The following PDLIM5 variants were observed in gnomAD, a reference collection of about 807,000 sequenced individuals.
PDLIM5 encodes PDZ and LIM domain protein 5.
A neutral mutation model predicts 64.2 loss-of-function variants in PDLIM5; 34 were observed. That is an observed-to-expected ratio of 0.53 (90% CI 0.40 to 0.71). The LOEUF (loss-of-function observed/expected upper bound fraction) is 0.71. Among genes scored for constraint, PDLIM5 ranks in the 30% least tolerant of loss-of-function variants. PDLIM5 has a pLI of 0.00. For missense variants in PDLIM5, 683 were observed against 733.6 expected (o/e 0.93, Z 0.80); for synonymous variants, 253 against 269.1 (o/e 0.94, Z 0.59).
chr4:94,597,429 A>G (rs1009915383), intron 7 of PDLIM5, among the ~76,000 whole-genome samples: 3 of 152,212 alleles, frequency 2.0e-5, no homozygotes, highest in African/African-American at 7.2e-5. Flanking sequence ...TCCTTTATAT[A>G]TGAAAGGTAA....
intron 7 of PDLIM5, among the ~76,000 whole-genome samples, chr4:94,596,087 C>T (rs560684422): frequency 1.4e-4 from 21 of 152,220 alleles, no homozygotes; most frequent in Admixed American, 1.4e-3. Flanking sequence ...GTAAAGGTCG[C>T]CATCTGTTGA....
intron 2 of PDLIM5, among the ~76,000 whole-genome samples, chr4:94,490,545 A>G (rs1726778492): frequency 6.6e-6 from 1 of 152,120 alleles, no homozygotes; most frequent in African/African-American, 2.4e-5. Flanking sequence ...AAATTAATTG[A>G]TTTTGGATAT....
At chr4:94,491,540 C>T (rs552246162) in intron 2 of PDLIM5, among the ~76,000 whole-genome samples, 6 of 151,976 alleles carry the variant, frequency 3.9e-5, no homozygotes, top group Non-Finnish European at 5.9e-5. Context: ...TCATGCCTTT[C>T]GAGATTTTCA....
chr4:94,596,717 G>A (rs1450304519), intron 7 of PDLIM5, among the ~76,000 whole-genome samples: 1 of 151,484 alleles, frequency 6.6e-6, no homozygotes, highest in Non-Finnish European at 1.5e-5. Context: ...TTATGTGAAG[G>A]TTTGTTTATT....
At chr4:94,572,619 A>G (rs1734899161) in intron 3 of PDLIM5, among the ~76,000 whole-genome samples, 1 of 152,232 alleles carries the variant, frequency 6.6e-6, no homozygotes, top group African/African-American at 2.4e-5. Flanking sequence ...GAATTTGGAA[A>G]TAGTCAAGTT....
At chr4:94,481,640 G>T (rs562862061) in intron 2 of PDLIM5, among the ~76,000 whole-genome samples, 11 of 149,484 alleles carry the variant, frequency 7.4e-5, no homozygotes, top group South Asian at 2.1e-4. Context: ...ACGGAGTCTC[G>T]TTCTGTCACC....
At chr4:94,622,360 T>C (rs183899281) in intron 8 of PDLIM5, among the ~76,000 whole-genome samples, 4 of 152,352 alleles carry the variant, frequency 2.6e-5, no homozygotes, top group Admixed American at 6.5e-5. Flanking sequence ...ATCTTACAAA[T>C]GTAATGAAAT....
intron 3 of PDLIM5, among the ~76,000 whole-genome samples, chr4:94,533,711 TTTCTCTC>T (rs1731087308): frequency 6.6e-6 from 1 of 152,214 alleles, no homozygotes; most frequent in African/African-American, 2.4e-5. Context: ...AAAGATGAGT[TTTCTCTC>T]TTCCTATTTC....
Position 94,586,977 on chromosome 4 carries a change from G to C in PDLIM5, c.920+533G>C, listed in dbSNP as rs59841248. The C allele has an allele frequency of 1.1e-4, 64 of 575,810 alleles. No individual in the cohort carries two copies. The Middle Eastern group carries it at 1.5e-3, about 13-fold the overall frequency. 35.7% of individuals were successfully genotyped at this position (575,810 alleles called of 1,614,324 possible). On this transcript the variant is annotated intron_variant, in intron 7 of 12. Transcript: ENST00000317968. ...TCACTCTTTTTTTTTTTTTTTTTTT[G>C]TATTTCCACAGGGAAAAGATACCCC...
intron 2 of PDLIM5, among the ~76,000 whole-genome samples, chr4:94,473,541 T>C (rs1165131593): frequency 6.6e-6 from 1 of 152,240 alleles, no homozygotes; most frequent in African/African-American, 2.4e-5. Context: ...ATTACAGGCA[T>C]GAGCCACCGC....
At chr4:94,490,200 A>G (rs558859267) in intron 2 of PDLIM5, among the ~76,000 whole-genome samples, 14 of 152,132 alleles carry the variant, frequency 9.2e-5, no homozygotes, top group African/African-American at 3.4e-4. Context: ...CAATTTCAAA[A>G]TAATGTAAAC....
rs1252801912 is a variant in PDLIM5 at position 94,622,514 on chromosome 4, G to T, written c.1108+4323G>T. On this transcript the variant is annotated intron_variant, in intron 8 of 12. Coordinates refer to ENST00000317968, the MANE Select transcript of PDLIM5 (RefSeq NM_006457.5). Reference sequence around the variant, plus strand: ...GCAATGCTTTGATAGATCTGGACCCGTTGTTCATTGAGCCAGTTTTCTGAC... The same window carrying T: ...GCAATGCTTTGATAGATCTGGACCCTTTGTTCATTGAGCCAGTTTTCTGAC... 4.6e-5 allele frequency among the ~76,000 whole-genome samples: 7 copies of T among 152,252 alleles called. No individual in the cohort carries two copies. The South Asian group carries it at 1.5e-3, about 32-fold the overall frequency.
intron 9 of PDLIM5, among the ~76,000 whole-genome samples, chr4:94,644,269 T>C (rs963435094): frequency 6.6e-6 from 1 of 152,214 alleles, no homozygotes; most frequent in African/African-American, 2.4e-5. Context: ...CGTATTTGTT[T>C]GAAGTTGCAT....
intron 7 of PDLIM5, chr4:94,610,091 G>A: frequency 1.2e-6 from 1 of 821,176 alleles, no homozygotes; most frequent in Non-Finnish European, 1.9e-6. Flanking sequence ...TTGCTCTCTT[G>A]TATTTATTAT....
At chr4:94,539,498 T>A (rs974570504) in intron 3 of PDLIM5, among the ~76,000 whole-genome samples, 1 of 152,200 alleles carries the variant, frequency 6.6e-6, no homozygotes, top group African/African-American at 2.4e-5. Context: ...ACTACAGTGG[T>A]ATGCCAGGTC....
chr4:94,507,373 C>G (rs1286259347), intron 2 of PDLIM5, among the ~76,000 whole-genome samples: 1 of 152,058 alleles, frequency 6.6e-6, no homozygotes, highest in Non-Finnish European at 1.5e-5. Context: ...TAACTTGTTC[C>G]AGCATCAACT....
At chr4:94,571,399 C>A (rs1357924592) in intron 3 of PDLIM5, among the ~76,000 whole-genome samples, 1 of 152,168 alleles carries the variant, frequency 6.6e-6, no homozygotes, top group African/African-American at 2.4e-5. Flanking sequence ...ACTGAGGATA[C>A]TACTGGGCTG....
chr4:94,532,344 G>T (rs1420794891), intron 3 of PDLIM5, among the ~76,000 whole-genome samples: 2 of 152,180 alleles, frequency 1.3e-5, no homozygotes, highest in Non-Finnish European at 2.9e-5. Context: ...TTAAAGGAAA[G>T]GCTAGCATGG....
intron 2 of PDLIM5, among the ~76,000 whole-genome samples, chr4:94,498,327 T>TA (rs1194085794): frequency 1.3e-5 from 2 of 152,316 alleles, no homozygotes; most frequent in East Asian, 3.9e-4. Flanking sequence ...ATATTTCATT[T>TA]AAAAAACTTT....
Sources: gnomAD v4.1 joint callset for allele counts (sites outside exome capture counted in the v4.1 genomes callset) on GRCh38, gnomAD v4.1.1 for gene constraint, MANE v1.5 for transcripts, NCBI Gene and HGNC (gene_info 2026-07-23, HGNC 2026-07-21) for gene names.